Variants in NCALD observed in about 807,000 individuals in gnomAD.
The protein encoded by NCALD is neurocalcin delta.
NCALD carries 10 observed loss-of-function variants against 18.6 expected under a neutral mutation model. The observed-to-expected ratio is 0.54, with a 90% CI of 0.33 to 0.91. NCALD has a LOEUF of 0.91. Among genes scored for constraint, NCALD ranks in the 40% least tolerant of loss-of-function variants. The pLI, the probability that NCALD is intolerant of heterozygous loss-of-function variation, is 0.03. For missense variants in NCALD, 184 were observed against 247.6 expected (o/e 0.74, Z 1.72); for synonymous variants, 88 against 87.4 (o/e 1.01, Z -0.04).
intron 2 of NCALD, among the ~76,000 whole-genome samples, chr8:102,003,641 C>A (rs1821573289): frequency 6.6e-6 from 1 of 152,190 alleles, no homozygotes; most frequent in Non-Finnish European, 1.5e-5. Flanking sequence ...AAAATACTGG[C>A]AAACTGAATC....
chr8:101,824,914 C>T (rs922864147), intron 4 of NCALD, among the ~76,000 whole-genome samples: 18 of 152,138 alleles, frequency 1.2e-4, no homozygotes, highest in Non-Finnish European at 2.6e-4. Flanking sequence ...GGAATCTGGA[C>T]GCTATCATCC....
intron 2 of NCALD, among the ~76,000 whole-genome samples, chr8:101,918,268 T>A (rs545641343): frequency 9.8e-4 from 149 of 152,174 alleles, no homozygotes; most frequent in Middle Eastern, 3.4e-3. Flanking sequence ...AAGTTTTTGA[T>A]AAAATCCAAC....
At chr8:101,874,675 C>A (rs781726658) in intron 4 of NCALD, among the ~76,000 whole-genome samples, 1 of 152,072 alleles carries the variant, frequency 6.6e-6, no homozygotes, top group Non-Finnish European at 1.5e-5. Flanking sequence ...CAGGTGTGCA[C>A]CACCACATCC....
chr8:102,019,585 T>C (rs1266937500), intron 2 of NCALD, among the ~76,000 whole-genome samples: 1 of 152,164 alleles, frequency 6.6e-6, no homozygotes, highest in East Asian at 1.9e-4. Flanking sequence ...AGTTCCACCA[T>C]ACATTTAAGT....
chr8:101,896,291 C>T lies in NCALD; in HGVS notation c.-106-9064G>A, dbSNP rs552171231. 3.3e-5 allele frequency among the ~76,000 whole-genome samples: 5 copies of T among 152,062 alleles called. No individual in the cohort carries two copies. The East Asian group carries it at 7.7e-4, about 23-fold the overall frequency. ...AGGATTCCCTATTTAATAAGTGGTG[C>T]TGGGAAAACTGGCTAGCCATATGTA... is the stretch of plus-strand genomic sequence containing the variant. On this transcript the variant is annotated intron_variant, in intron 3 of 6. Coordinates refer to the NCALD transcript ENST00000311028.
At chr8:101,848,888 C>T (rs1814980149) in intron 4 of NCALD, among the ~76,000 whole-genome samples, 1 of 152,014 alleles carries the variant, frequency 6.6e-6, no homozygotes, top group African/African-American at 2.4e-5. Flanking sequence ...ATAAATAATT[C>T]TGTTATAAAG....
chr8:101,855,173 G>A (rs1437481167), intron 4 of NCALD, among the ~76,000 whole-genome samples: 3 of 152,144 alleles, frequency 2.0e-5, no homozygotes, highest in Non-Finnish European at 4.4e-5. Flanking sequence ...AAGAAGAGTA[G>A]TTGCAAGTAA....
chr8:101,880,500 G>A (rs544735576), intron 4 of NCALD, among the ~76,000 whole-genome samples: 20 of 152,356 alleles, frequency 1.3e-4, no homozygotes, highest in African/African-American at 3.4e-4. Flanking sequence ...TGGCCAGAGC[G>A]GAGGCCGAGG....
In NCALD at chr8:101,704,956, T is replaced by C. The variant is rs933977974; in HGVS notation, c.379-12060A>G. Among the ~76,000 whole-genome samples, 3 of 151,668 alleles carry C rather than the reference T, an allele frequency of 2.0e-5. No individual in the cohort carries two copies. The East Asian group carries it at 5.8e-4, about 29-fold the overall frequency. ...AAAATAAAAAATAGGCCGGGCGCGG[T>C]GGCTCATGCCTGTAATCCCAGCACT... is the stretch of plus-strand genomic sequence containing the variant. On this transcript the variant is annotated intron_variant, in intron 2 of 3. Transcript: ENST00000220931.
chr8:101,709,770 A>G (rs2130295468), intron 2 of NCALD, among the ~76,000 whole-genome samples: 1 of 152,330 alleles, frequency 6.6e-6, no homozygotes, highest in East Asian at 1.9e-4. Flanking sequence ...AGGGACAGGA[A>G]CTACGTTGGG....
chr8:101,871,020 C>T (rs1815995659), intron 4 of NCALD, among the ~76,000 whole-genome samples: 1 of 151,544 alleles, frequency 6.6e-6, no homozygotes, highest in African/African-American at 2.4e-5. Flanking sequence ...AAACCAAAAC[C>T]TTATTATAAA....
chr8:102,116,037 T>A (rs2132468822), intron 1 of NCALD, among the ~76,000 whole-genome samples: 1 of 148,742 alleles, frequency 6.7e-6, no homozygotes, highest in South Asian at 2.1e-4. Flanking sequence ...AAGTTGCAAA[T>A]GATCAAATCA....
At chr8:102,047,285 TA>T (rs1188967946) in intron 1 of NCALD, among the ~76,000 whole-genome samples, 1 of 152,234 alleles carries the variant, frequency 6.6e-6, no homozygotes, top group Non-Finnish European at 1.5e-5. Flanking sequence ...GAGTATTTTT[TA>T]AATGTTATAG....
At chr8:101,857,260 T>C (rs1447408040) in intron 4 of NCALD, among the ~76,000 whole-genome samples, 1 of 152,210 alleles carries the variant, frequency 6.6e-6, no homozygotes, top group Non-Finnish European at 1.5e-5. Context: ...TTCACAGTTC[T>C]TCTGACTGAG....
intron 2 of NCALD, among the ~76,000 whole-genome samples, chr8:101,976,187 G>T (rs980058517): frequency 1.3e-5 from 2 of 152,274 alleles, no homozygotes; most frequent in African/African-American, 4.8e-5. Flanking sequence ...AGCTAGCCCT[G>T]GGTGCTGCAC....
intron 4 of NCALD, among the ~76,000 whole-genome samples, chr8:101,883,854 G>A (rs1020805720): frequency 5.3e-5 from 8 of 152,132 alleles, no homozygotes; most frequent in Non-Finnish European, 1.2e-4. Flanking sequence ...TGGGAACAGG[G>A]ATTTTGTCTT....
In NCALD at chr8:101,909,851, C is replaced by A. The variant is rs74647710; in HGVS notation, c.-107+5958G>T. Among the ~76,000 whole-genome samples the A allele has an allele frequency of 4.6e-5, 7 of 152,058 alleles. 1 individual carries two copies. Among genetic ancestry groups the A allele is most frequent in the Admixed American group, 2.0e-4 (3 of 15,260 alleles). ...CCTTAAGAACAGAGATTGACATTTC[C>A]GTTTTTTAATAGTTCCTAGACAGGG... is the stretch of plus-strand genomic sequence containing the variant. On this transcript the variant is annotated intron_variant, in intron 3 of 6. Transcript: ENST00000311028.
At chr8:102,007,082 C>T (rs895804195) in intron 2 of NCALD, among the ~76,000 whole-genome samples, 2 of 152,076 alleles carry the variant, frequency 1.3e-5, no homozygotes, top group Non-Finnish European at 2.9e-5. Flanking sequence ...AAAAAACTAT[C>T]GCAGATCCAA....
intron 2 of NCALD, chr8:101,693,434 G>C (rs1473622301): frequency 6.8e-6 from 1 of 146,100 alleles, no homozygotes; most frequent in Non-Finnish European, 1.5e-5. Context: ...GCCTCCCAAA[G>C]TGCTGGGATT....
Sources: allele counts gnomAD v4.1 joint callset (sites outside exome capture counted in the v4.1 genomes callset), GRCh38; gene constraint gnomAD v4.1.1; transcripts MANE v1.5; gene names NCBI Gene and HGNC (gene_info 2026-07-23, HGNC 2026-07-21).